Variants in ADGRB3 observed in about 807,000 individuals in gnomAD.
ADGRB3 encodes adhesion G protein-coupled receptor B3.
ADGRB3 carries 37 observed loss-of-function variants against 193.4 expected under a neutral mutation model. The observed-to-expected ratio is 0.19, with a 90% CI of 0.15 to 0.25. The LOEUF (loss-of-function observed/expected upper bound fraction) is 0.25. Ranked by LOEUF, ADGRB3 falls within the 10% of genes least tolerant of loss-of-function variation. The probability of loss-of-function intolerance (pLI) is 1.00; values close to 1 mark genes in which losing one functional copy is unlikely to be tolerated. For synonymous variants in ADGRB3, 690 were observed against 644.2 expected (o/e 1.07, Z -1.08); for missense variants, 1,637 against 1,852.9 (o/e 0.88, Z 2.14).
intron 17 of ADGRB3, among the ~76,000 whole-genome samples, chr6:69,181,451 C>A (rs1314808453): frequency 6.6e-6 from 1 of 151,982 alleles, no homozygotes; most frequent in Non-Finnish European, 1.5e-5. Flanking sequence ...CCTATAAATG[C>A]ACGATATATG....
Position 69,083,771 on chromosome 6 carries a change from C to CT in ADGRB3, c.2480+7754dup, listed in dbSNP as rs35483512. ...TCATGAGCCACCTAATTAACTGTTA[C>CT]TTTTTTTTTTTTTTTTTTTTTGAGA... is the stretch of plus-strand genomic sequence containing the variant. On this transcript the variant is annotated intron_variant, in intron 17 of 31. Transcript: ENST00000370598. 5.9e-3 allele frequency among the ~76,000 whole-genome samples: 604 copies of CT among 102,222 alleles called. 13 individuals are homozygous for CT. Among genetic ancestry groups the CT allele is most frequent in the African/African-American group, 0.019 (503 of 26,742 alleles). 67.1% of individuals were successfully genotyped at this position (102,222 alleles called of 152,430 possible). A position where few individuals can be genotyped will look rare whatever the true frequency, so the allele number is the denominator to read the frequency against.
chr6:68,757,610 C>T (rs945793564), intron 3 of ADGRB3, among the ~76,000 whole-genome samples: 15 of 152,008 alleles, frequency 9.9e-5, no homozygotes, highest in Non-Finnish European at 2.1e-4. Flanking sequence ...TTTCCTATGT[C>T]TCCTGAAATT....
intron 3 of ADGRB3, among the ~76,000 whole-genome samples, chr6:68,715,670 C>T (rs949069456): frequency 6.6e-6 from 1 of 151,746 alleles, no homozygotes; most frequent in African/African-American, 2.4e-5. Flanking sequence ...AATTAATATA[C>T]TTTGTTTAAA....
At chr6:69,022,156 A>T (rs1770289275) in intron 13 of ADGRB3, among the ~76,000 whole-genome samples, 1 of 151,854 alleles carries the variant, frequency 6.6e-6, no homozygotes, top group Non-Finnish European at 1.5e-5. Flanking sequence ...AAATAGTTTA[A>T]TTACTATATA....
At chr6:69,194,260 G>A (rs1008079691) in intron 17 of ADGRB3, among the ~76,000 whole-genome samples, 2 of 152,218 alleles carry the variant, frequency 1.3e-5, no homozygotes, top group East Asian at 1.9e-4. Context: ...AAATGAGAGC[G>A]TGTGGGGTTT....
intron 3 of ADGRB3, among the ~76,000 whole-genome samples, chr6:68,753,711 G>A (rs1312616967): frequency 2.6e-5 from 4 of 152,126 alleles, no homozygotes; most frequent in African/African-American, 4.8e-5. Flanking sequence ...AGAGGCAAAA[G>A]TAAAGAAAAA....
intron 3 of ADGRB3, among the ~76,000 whole-genome samples, chr6:68,745,838 TC>T (rs1349496495): frequency 6.6e-6 from 1 of 152,082 alleles, no homozygotes; most frequent in Non-Finnish European, 1.5e-5. Flanking sequence ...GCTGACCTTT[TC>T]CACTTCACAA....
chr6:68,867,436 G>C (rs1765328089), intron 3 of ADGRB3, among the ~76,000 whole-genome samples: 1 of 152,332 alleles, frequency 6.6e-6, no homozygotes, highest in Non-Finnish European at 1.5e-5. Flanking sequence ...TATCCAGGCA[G>C]ATGTCTGCTT....
At chr6:69,383,589 A>G (rs575362795) in intron 31 of ADGRB3, among the ~76,000 whole-genome samples, 4 of 152,162 alleles carry the variant, frequency 2.6e-5, no homozygotes, top group African/African-American at 9.6e-5. Flanking sequence ...AGAAATCAGT[A>G]TACTAGTCGA....
rs114961409 is a variant in ADGRB3, at chr6:68,760,698, A to G, written c.757+121266A>G. ...CTGTCCACACAGGTGGACTGCCTCC[A>G]TTTTAGTATTCTAGCTAGAGAAAAT... On this transcript the variant is annotated intron_variant, in intron 3 of 31. Coordinates refer to ENST00000370598, the MANE Select transcript of ADGRB3 (RefSeq NM_001704.3). Among the ~76,000 whole-genome samples, 256 of 152,284 alleles carry G rather than the reference A, an allele frequency of 1.7e-3. 1 individual carries two copies. Among genetic ancestry groups the G allele is most frequent in the African/African-American group, 6.0e-3 (250 of 41,578 alleles).
intron 31 of ADGRB3, among the ~76,000 whole-genome samples, chr6:69,384,549 A>G (rs1770020240): frequency 6.6e-6 from 1 of 152,114 alleles, no homozygotes; most frequent in Non-Finnish European, 1.5e-5. Context: ...GCTAACTGCT[A>G]TAATATGATT....
intron 3 of ADGRB3, among the ~76,000 whole-genome samples, chr6:68,832,981 T>C (rs1410879696): frequency 2.0e-5 from 3 of 152,138 alleles, no homozygotes; most frequent in Admixed American, 1.3e-4. Context: ...ACTGTGTACT[T>C]TTCTGTGTGC....
chr6:68,997,960 TGTAA>T (rs1382937925), intron 11 of ADGRB3, among the ~76,000 whole-genome samples: 8 of 152,164 alleles, frequency 5.3e-5, no homozygotes, highest in Admixed American at 2.6e-4. Context: ...GAGAGATTTA[TGTAA>T]GTATTTTAAC....
chr6:68,837,608 T>C (rs1377470057), intron 3 of ADGRB3, among the ~76,000 whole-genome samples: 1 of 152,224 alleles, frequency 6.6e-6, no homozygotes, highest in Non-Finnish European at 1.5e-5. Context: ...AGATAGAAAG[T>C]GATTTGTATC....
Position 68,635,690 on chromosome 6 carries a change from G to T in ADGRB3, c.-498G>T, listed in dbSNP as rs879820775. 6.6e-6 allele frequency: 1 copy of T among 152,154 alleles called. No individual in the cohort carries two copies. Among genetic ancestry groups the T allele is most frequent in the Non-Finnish European group, 1.5e-5 (1 of 68,190 alleles). 9.4% of individuals were successfully genotyped at this position (152,154 alleles called of 1,614,324 possible). A position where few individuals can be genotyped will look rare whatever the true frequency, so the allele number is the denominator to read the frequency against. ...GGGGGGTTCCTTAGAGTCTCCCTTG[G>T]GGGGGCTTCTCCCTCCCTTTAGCCC... is the stretch of plus-strand genomic sequence containing the variant. On this transcript the variant is annotated 5_prime_UTR_variant, in exon 1 of 32. Coordinates refer to ENST00000370598, the MANE Select transcript of ADGRB3 (RefSeq NM_001704.3).
At chr6:69,202,662 T>G (rs998651310) in intron 17 of ADGRB3, among the ~76,000 whole-genome samples, 1 of 152,144 alleles carries the variant, frequency 6.6e-6, no homozygotes, top group Non-Finnish European at 1.5e-5. Context: ...CTCCCACAGA[T>G]AGTTGAGGGT....
intron 17 of ADGRB3, among the ~76,000 whole-genome samples, chr6:69,197,578 G>A (rs1369467227): frequency 1.3e-5 from 2 of 152,016 alleles, no homozygotes; most frequent in East Asian, 1.9e-4. Flanking sequence ...TATCTTAGAT[G>A]TTTACAATTT....
chr6:69,250,175 T>G (rs1766590258), intron 20 of ADGRB3, among the ~76,000 whole-genome samples: 1 of 152,208 alleles, frequency 6.6e-6, no homozygotes, highest in Admixed American at 6.5e-5. Context: ...CAATTAGGAC[T>G]ACAGAAGGTT....
intron 16 of ADGRB3, 121 bp from the exon 17 acceptor site, chr6:69,075,874 A>C (rs570418571): frequency 5.5e-6 from 4 of 724,880 alleles, no homozygotes; most frequent in Non-Finnish European, 6.8e-6. Flanking sequence ...AAAAGAAATC[A>C]TTAAAGTATT....
Sources: allele counts gnomAD v4.1 joint callset (sites outside exome capture counted in the v4.1 genomes callset), GRCh38; gene constraint gnomAD v4.1.1; transcripts MANE v1.5; gene names NCBI Gene and HGNC (gene_info 2026-07-23, HGNC 2026-07-21).